The following GRID2 variants were observed in gnomAD, a reference collection of about 807,000 sequenced individuals.
GRID2 encodes glutamate receptor ionotropic, delta-2.
Under a neutral mutation model 114.8 loss-of-function variants are expected in GRID2, and 33 were observed. The observed-to-expected ratio is 0.29, with a 90% CI of 0.22 to 0.38. The LOEUF (loss-of-function observed/expected upper bound fraction) is 0.38, where lower values mean the gene tolerates loss of function less well. Ranked by LOEUF, GRID2 falls within the 10% of genes least tolerant of loss-of-function variation. GRID2 has a pLI of 1.00. For synonymous variants in GRID2, 505 were observed against 449.9 expected, an observed-to-expected ratio of 1.12 and a Z score of -1.55; for missense variants, 1,184 against 1,257.7, an observed-to-expected ratio of 0.94 and a Z score of 0.89.
chr4:93,293,523 C>T (rs776169859), intron 8 of GRID2, among the ~76,000 whole-genome samples: 2 of 151,774 alleles, frequency 1.3e-5, no homozygotes, highest in Non-Finnish European at 2.9e-5. Context: ...TTTTAATCCT[C>T]CTCCATCCTT....
chr4:93,192,558 AC>A (rs1226596512), intron 4 of GRID2, among the ~76,000 whole-genome samples: 1 of 151,948 alleles, frequency 6.6e-6, no homozygotes, highest in Non-Finnish European at 1.5e-5. Context: ...CCTGGCCAAC[AC>A]GTGGAAAGGC....
chr4:93,699,718 A>G (rs1727343259), intron 14 of GRID2, among the ~76,000 whole-genome samples: 1 of 152,108 alleles, frequency 6.6e-6, no homozygotes, highest in Admixed American at 6.6e-5. Context: ...CTGAAATAGG[A>G]AAAGTTAAAG....
intron 14 of GRID2, among the ~76,000 whole-genome samples, chr4:93,755,479 G>T (rs960470191): frequency 2.6e-5 from 4 of 151,980 alleles, no homozygotes; most frequent in Non-Finnish European, 5.9e-5. Context: ...ACCTCAGTTT[G>T]CTGCCTTATT....
intron 14 of GRID2, among the ~76,000 whole-genome samples, chr4:93,724,793 GT>G (rs1729693624): frequency 6.6e-6 from 1 of 151,826 alleles, no homozygotes; most frequent in Admixed American, 6.6e-5. Flanking sequence ...TGTTGTTGTT[GT>G]TTTGAGACAA....
chr4:92,350,393 C>G (rs1370383234), intron 1 of GRID2, among the ~76,000 whole-genome samples: 1 of 151,760 alleles, frequency 6.6e-6, no homozygotes, highest in Non-Finnish European at 1.5e-5. Flanking sequence ...AGATAGTGTG[C>G]TCTTCAATGT....
At chr4:92,657,765 A>G (rs1363956695) in intron 2 of GRID2, among the ~76,000 whole-genome samples, 2 of 151,692 alleles carry the variant, frequency 1.3e-5, no homozygotes, top group African/African-American at 4.8e-5. Flanking sequence ...ATCCTTAGAC[A>G]TTTCCCTTTC....
chr4:92,608,339 CTTA>C (rs1257098259), intron 2 of GRID2, among the ~76,000 whole-genome samples: 1 of 151,722 alleles, frequency 6.6e-6, no homozygotes, highest in African/African-American at 2.4e-5. Context: ...ATACCAAAGT[CTTA>C]TTATTTCTTT....
chr4:92,362,849 T>A (rs1185440108), intron 1 of GRID2, among the ~76,000 whole-genome samples: 1 of 152,036 alleles, frequency 6.6e-6, no homozygotes, highest in Non-Finnish European at 1.5e-5. Flanking sequence ...TTGTATATAT[T>A]ATTTTTTACG....
At chr4:93,735,775 T>C (rs1017377750) in intron 14 of GRID2, among the ~76,000 whole-genome samples, 1 of 152,074 alleles carries the variant, frequency 6.6e-6, no homozygotes, top group African/African-American at 2.4e-5. Flanking sequence ...CATGACCACC[T>C]TAGTGAAATC....
At chr4:92,438,607 T>C (rs770925347) in intron 1 of GRID2, among the ~76,000 whole-genome samples, 4 of 151,902 alleles carry the variant, frequency 2.6e-5, no homozygotes, top group Admixed American at 2.0e-4. Context: ...TGTGTGTGTG[T>C]GTTTCTATAC....
At chr4:93,027,294 G>A (rs1006105495) in intron 2 of GRID2, among the ~76,000 whole-genome samples, 1 of 152,036 alleles carries the variant, frequency 6.6e-6, no homozygotes, top group Non-Finnish European at 1.5e-5. Context: ...ATGCATAGCA[G>A]TTGGACATAC....
intron 4 of GRID2, among the ~76,000 whole-genome samples, chr4:93,141,925 T>C (rs1735804649): frequency 6.6e-6 from 1 of 152,234 alleles, no homozygotes; most frequent in South Asian, 2.1e-4. Context: ...TCTGTACAAA[T>C]AGTACCACTT....
intron 2 of GRID2, among the ~76,000 whole-genome samples, chr4:92,718,921 CT>C (rs1200487318): frequency 6.6e-6 from 1 of 151,694 alleles, no homozygotes; most frequent in Non-Finnish European, 1.5e-5. Context: ...TGCAATCTTA[CT>C]TTTTTAAATC....
At position 92,717,482 on chromosome 4, in the gene GRID2, CA is replaced by C. The variant is rs373317620; in HGVS notation, c.244+127197del. Among the ~76,000 whole-genome samples, 413 of 152,258 alleles carry C rather than the reference CA, an allele frequency of 2.7e-3. 4 individuals are homozygous for C. Among genetic ancestry groups the C allele is most frequent in the African/African-American group, 9.3e-3 (386 of 41,554 alleles). On this transcript the variant is annotated intron_variant, in intron 2 of 15. Transcript: ENST00000282020. Reference sequence around the variant, plus strand: ...AAATGATGTTTGACGAGCTATAAAGCATATTTAATATGCTAACCCATTTAGT... The same window carrying C: ...AAATGATGTTTGACGAGCTATAAAGCTATTTAATATGCTAACCCATTTAGT...
At chr4:92,710,810 C>T (rs2149309284) in intron 2 of GRID2, among the ~76,000 whole-genome samples, 1 of 152,158 alleles carries the variant, frequency 6.6e-6, no homozygotes, top group Admixed American at 6.5e-5. Context: ...AATATTTACT[C>T]TCACACCCAA....
At chr4:93,432,711 A>G (rs1343995772) in intron 10 of GRID2, among the ~76,000 whole-genome samples, 1 of 152,148 alleles carries the variant, frequency 6.6e-6, no homozygotes, top group Non-Finnish European at 1.5e-5. Flanking sequence ...GTCAAAACCC[A>G]TAGAAAGAAT....
chr4:93,261,574 G>A (rs541260047), intron 8 of GRID2, among the ~76,000 whole-genome samples: 7 of 151,892 alleles, frequency 4.6e-5, no homozygotes, highest in African/African-American at 1.7e-4. Flanking sequence ...AGAGAGATGC[G>A]TGGGCCTGGC....
chr4:93,490,158 C>T (rs956401117), intron 11 of GRID2, among the ~76,000 whole-genome samples: 2 of 151,846 alleles, frequency 1.3e-5, no homozygotes, highest in Admixed American at 6.6e-5. Context: ...GTATGTGATG[C>T]TGAAGCCAAC....
At chr4:92,956,271 A>G (rs962927870) in intron 2 of GRID2, among the ~76,000 whole-genome samples, 1 of 152,182 alleles carries the variant, frequency 6.6e-6, no homozygotes, top group African/African-American at 2.4e-5. Flanking sequence ...GTTAGAACTC[A>G]CTTTTGGTCT....
Sources: allele counts gnomAD v4.1 joint callset (sites outside exome capture counted in the v4.1 genomes callset), GRCh38; gene constraint gnomAD v4.1.1; transcripts MANE v1.5; gene names NCBI Gene and HGNC (gene_info 2026-07-23, HGNC 2026-07-21).